The following WDFY3 variants were observed in gnomAD, a reference collection of about 807,000 sequenced individuals.
WDFY3 encodes the protein WD repeat and FYVE domain containing 3, also known as WD repeat and FYVE domain-containing protein 3.
In WDFY3, 66 loss-of-function variants were observed where a neutral mutation model predicts 409.6. The ratio of observed to expected loss-of-function variants is 0.16; its 90% CI spans 0.13 to 0.20. The LOEUF (loss-of-function observed/expected upper bound fraction) is 0.20. WDFY3 is among the 10% of genes least tolerant of loss of function. WDFY3 has a pLI of 1.00. For missense variants in WDFY3, 3,031 were observed against 4,298.1 expected (o/e 0.71, Z 8.24); for synonymous variants, 1,521 against 1,537.1 (o/e 0.99, Z 0.25).
chr4:84,859,875 T>TA (rs929976336), intron 4 of WDFY3, among the ~76,000 whole-genome samples: 2 of 152,094 alleles, frequency 1.3e-5, no homozygotes, highest in Non-Finnish European at 2.9e-5. Flanking sequence ...ACGCCTGGCC[T>TA]AAAAAAATTG....
chr4:84,803,208 A>C (rs1750930162), intron 16 of WDFY3, 82 bp downstream of exon 16: 1 of 1,372,476 alleles, frequency 7.3e-7, no homozygotes, highest in African/African-American at 1.5e-5. Flanking sequence ...TTCTTCCTCA[A>C]CCCCCTAGCT....
chr4:84,730,404 A>C (rs1236773864), intron 44 of WDFY3, among the ~76,000 whole-genome samples: 1 of 152,210 alleles, frequency 6.6e-6, no homozygotes, highest in Non-Finnish European at 1.5e-5. Context: ...TAGAGAGATA[A>C]AACCTAATAT....
At chr4:84,960,119 G>A (rs1774731248) in intron 1 of WDFY3, among the ~76,000 whole-genome samples, 2 of 152,112 alleles carry the variant, frequency 1.3e-5, no homozygotes, top group Non-Finnish European at 2.9e-5. Context: ...AACTGAGATT[G>A]GGTAGGGGCA....
chr4:84,767,981 G>A (rs1220583388), intron 30 of WDFY3, among the ~76,000 whole-genome samples: 2 of 152,176 alleles, frequency 1.3e-5, no homozygotes, highest in Non-Finnish European at 2.9e-5. Context: ...TACTCAGAAG[G>A]CTGATGTATG....
chr4:84,767,073 G>C (rs534395954), intron 30 of WDFY3, among the ~76,000 whole-genome samples: 7 of 151,976 alleles, frequency 4.6e-5, no homozygotes, highest in Non-Finnish European at 5.9e-5. Context: ...CAAATTAAAG[G>C]GTTGTGGCAA....
intron 17 of WDFY3, among the ~76,000 whole-genome samples, chr4:84,800,792 C>T (rs1750387020): frequency 6.6e-6 from 1 of 152,166 alleles, no homozygotes; most frequent in South Asian, 2.1e-4. Flanking sequence ...CAACCTAGAT[C>T]CCTTGCATGC....
At chr4:84,684,468 C>T (rs1019050884) in intron 62 of WDFY3, among the ~76,000 whole-genome samples, 16 of 152,130 alleles carry the variant, frequency 1.1e-4, no homozygotes, top group African/African-American at 3.6e-4. Flanking sequence ...TCTTCTTCCT[C>T]CCATTGTTAA....
At chr4:84,825,719 A>G (rs995410552) in intron 10 of WDFY3, among the ~76,000 whole-genome samples, 2 of 152,110 alleles carry the variant, frequency 1.3e-5, no homozygotes, top group South Asian at 2.1e-4. Context: ...ATAAATTTAA[A>G]TATGTATTAC....
intron 3 of WDFY3, among the ~76,000 whole-genome samples, chr4:84,864,696 G>C (rs570366077): frequency 4.9e-4 from 74 of 152,244 alleles, no homozygotes; most frequent in African/African-American, 1.6e-3. Context: ...TAGTGAAATA[G>C]AACTTGGATG....
chr4:84,726,477 T>C (rs1029005046), intron 45 of WDFY3, among the ~76,000 whole-genome samples: 3 of 152,168 alleles, frequency 2.0e-5, no homozygotes, highest in African/African-American at 7.2e-5. Flanking sequence ...TCTCAAAATA[T>C]ACACTTTAGT....
chr4:84,885,042 C>A (rs911448064), intron 3 of WDFY3, among the ~76,000 whole-genome samples: 3 of 152,080 alleles, frequency 2.0e-5, no homozygotes, highest in Non-Finnish European at 2.9e-5. Flanking sequence ...ACTCTGTCAC[C>A]CAGGCTGGAA....
intron 1 of WDFY3, among the ~76,000 whole-genome samples, chr4:84,933,437 T>G (rs1254915935): frequency 1.3e-5 from 2 of 152,106 alleles, no homozygotes; most frequent in African/African-American, 4.8e-5. Flanking sequence ...TACAGATTTA[T>G]AGGGTACATG....
At position 84,751,585 on chromosome 4, in the gene WDFY3, C is replaced by T. The variant is rs143366704; in HGVS notation, c.5871G>A (p.Pro1957=). The change falls in exon 36 of 68, where the codon CCG becomes CCA. Residue 1957 remains proline (P), a synonymous_variant. Transcript: ENST00000295888. ...TGAAGTCAAAAACGAACTTTTTAGC[C>T]GGGTGATTGGTCAGATATGTCTTGG... ...VGTKTYLTNH[P]AKKFVFDFMR... 3.5e-4 allele frequency: 568 copies of T among 1,614,038 alleles called. No individual in the cohort carries two copies. Among genetic ancestry groups the T allele is most frequent in the Middle Eastern group, 4.9e-4 (3 of 6,062 alleles).
At chr4:84,857,489 A>G (rs1759926486) in intron 4 of WDFY3, among the ~76,000 whole-genome samples, 1 of 152,204 alleles carries the variant, frequency 6.6e-6, no homozygotes, top group Non-Finnish European at 1.5e-5. Context: ...GTCTGACAGA[A>G]GGAAATTACC....
Position 84,712,373 on chromosome 4 carries a change from TA to T in WDFY3, c.8042+785del, listed in dbSNP as rs998951453. ...GGAAACTGTCTCAAAAGAAAAAAAT[TA>T]AAAAAAAAAAAAAAAAAAAAAGAAG... On this transcript the variant is annotated intron_variant, in intron 51 of 67. Transcript: ENST00000295888. Among the ~76,000 whole-genome samples the T allele has an allele frequency of 4.7e-3, 352 of 75,110 alleles. 1 individual carries two copies. The highest frequency in any genetic ancestry group is 0.013 in the South Asian group (32 of 2,474). 49.3% of individuals were successfully genotyped at this position (75,110 alleles called of 152,430 possible). A position where few individuals can be genotyped will look rare whatever the true frequency, so the allele number is the denominator to read the frequency against.
chr4:84,959,891 G>T (rs930666497), intron 1 of WDFY3, among the ~76,000 whole-genome samples: 1 of 152,246 alleles, frequency 6.6e-6, no homozygotes, highest in Admixed American at 6.5e-5. Context: ...TATTAGATGA[G>T]AATTAGCCTA....
At chr4:84,917,320 A>G (rs1010254791) in intron 2 of WDFY3, among the ~76,000 whole-genome samples, 8 of 152,216 alleles carry the variant, frequency 5.3e-5, no homozygotes, top group African/African-American at 1.4e-4. Context: ...GCCAAAGCCT[A>G]CTAGGCTGGT....
At chr4:84,951,889 T>C (rs1239378679) in intron 1 of WDFY3, among the ~76,000 whole-genome samples, 1 of 152,148 alleles carries the variant, frequency 6.6e-6, no homozygotes, top group African/African-American at 2.4e-5. Flanking sequence ...TAAACATCTA[T>C]CAACATTGGC....
chr4:84,716,557 G>C (rs1262020932), intron 49 of WDFY3, among the ~76,000 whole-genome samples: 1 of 151,856 alleles, frequency 6.6e-6, no homozygotes, highest in East Asian at 2.0e-4. Flanking sequence ...AGCACTTTGG[G>C]AGGCCAAGGC....
Sources: allele counts gnomAD v4.1 joint callset (sites outside exome capture counted in the v4.1 genomes callset), GRCh38; gene constraint gnomAD v4.1.1; transcripts MANE v1.5; gene names NCBI Gene and HGNC (gene_info 2026-07-23, HGNC 2026-07-21).